The following MTIF2 variants were observed in gnomAD, a reference collection of about 807,000 sequenced individuals.
MTIF2 encodes the protein translation initiation factor IF-2, mitochondrial.
Under a neutral mutation model 83.5 loss-of-function variants are expected in MTIF2, and 71 were observed. The observed-to-expected ratio is 0.85, with a 90% CI of 0.70 to 1.04. The LOEUF (loss-of-function observed/expected upper bound fraction) is 1.04, where lower values mean the gene tolerates loss of function less well. Ranked by LOEUF, MTIF2 falls within the 50% of genes least tolerant of loss-of-function variation. The pLI, the probability that MTIF2 is intolerant of heterozygous loss-of-function variation, is 0.00. For missense variants in MTIF2, 957 were observed against 846.5 expected, an observed-to-expected ratio of 1.13 and a Z score of -1.62; for synonymous variants, 319 against 287.1, an observed-to-expected ratio of 1.11 and a Z score of -1.12.
intron 5 of MTIF2, among the ~76,000 whole-genome samples, chr2:55,261,976 T>C (rs1484296313): frequency 6.8e-6 from 1 of 146,272 alleles, no homozygotes; most frequent in Non-Finnish European, 1.5e-5. Flanking sequence ...AAGAAAATTA[T>C]AGAAAAACAA....
rs375792770 is a variant in MTIF2, at chr2:55,242,421, A to G, written c.1705+519T>C. On this transcript the variant is annotated intron_variant, in intron 13 of 15. Transcript: ENST00000263629. ...CAGTCATGAGTCCCCCTTTTTGTGT[A>G]TCATAAATTCAACTAATAAAGACAG... Among the ~76,000 whole-genome samples the G allele has an allele frequency of 6.6e-5, 10 of 152,244 alleles. No individual in the cohort carries two copies. In the East Asian group the frequency reaches 1.2e-3, roughly 18 times the overall value.
chr2:55,259,278 T>C (rs1573909096), intron 5 of MTIF2, among the ~76,000 whole-genome samples: 1 of 152,170 alleles, frequency 6.6e-6, no homozygotes, highest in African/African-American at 2.4e-5. Context: ...ATGTATATAG[T>C]AGTTAAAAAT....
At chr2:55,251,452 C>G (rs1677088055) in intron 8 of MTIF2, among the ~76,000 whole-genome samples, 1 of 152,168 alleles carries the variant, frequency 6.6e-6, no homozygotes, top group Non-Finnish European at 1.5e-5. Flanking sequence ...TGGCTGCTGT[C>G]TGAGTCTTAG....
In MTIF2 at chr2:55,262,369, A is replaced by T; in HGVS notation, c.278T>A (p.Val93Glu). Residue 93 changes from valine to glutamate, a missense_variant, in exon 5 of 16, where the codon GTA becomes GAA. This residue lies in a region of MTIF2 where 733 missense variants were observed against 648.7 expected (regional missense o/e 1.13). Coordinates refer to ENST00000263629, the MANE Select transcript of MTIF2 (RefSeq NM_002453.3). ...SSTKSKKVVE[V>E]WIGMTIEELA... ...TTCCTCAATAGTCATTCCAATCCAT[A>T]CTTCTACCACCTTTTTAGATTTTGT... 5 of 1,613,530 alleles carry T rather than the reference A, an allele frequency of 3.1e-6. No individual in the cohort carries two copies. Among genetic ancestry groups the T allele is most frequent in the Non-Finnish European group, 4.2e-6 (5 of 1,179,830 alleles).
At chr2:55,252,755 A>T (rs1031508096) in intron 7 of MTIF2, 102 bp from the exon 8 acceptor site, 1 of 784,686 alleles carries the variant, frequency 1.3e-6, no homozygotes, top group Non-Finnish European at 2.0e-6. Flanking sequence ...TAATTCTTTA[A>T]AATAATTTTA....
At chr2:55,258,434 C>T (rs1265106602) in intron 5 of MTIF2, among the ~76,000 whole-genome samples, 5 of 152,064 alleles carry the variant, frequency 3.3e-5, no homozygotes, top group African/African-American at 9.7e-5. Flanking sequence ...TTTGGGAAGC[C>T]GAGGTGGGTG....
At chr2:55,260,426 CA>C (rs1677880109) in intron 5 of MTIF2, among the ~76,000 whole-genome samples, 2 of 142,876 alleles carry the variant, frequency 1.4e-5, no homozygotes, top group African/African-American at 5.1e-5. Context: ...AAAAGCCAAA[CA>C]GTGTGCTAAC....
At chr2:55,252,763 T>G (rs954684299) in intron 7 of MTIF2, 110 bp from the exon 8 acceptor site, 8 of 737,492 alleles carry the variant, frequency 1.1e-5, no homozygotes, top group Non-Finnish European at 1.7e-5. Flanking sequence ...TAAAATAATT[T>G]TATTCCTTCC....
chr2:55,246,257 CA>C (rs1676691154), intron 10 of MTIF2, 79 bp downstream of exon 10: 1 of 1,419,538 alleles, frequency 7.0e-7, no homozygotes, highest in African/African-American at 1.4e-5. Flanking sequence ...TAACATGTAA[CA>C]AAAATAATAC....
intron 5 of MTIF2, among the ~76,000 whole-genome samples, chr2:55,256,876 T>G (rs1039948309): frequency 6.6e-6 from 1 of 151,858 alleles, no homozygotes; most frequent in Non-Finnish European, 1.5e-5. Flanking sequence ...CCTACTAATT[T>G]TTTGTAGAGA....
intron 13 of MTIF2, among the ~76,000 whole-genome samples, chr2:55,240,691 T>C (rs1329119639): frequency 1.3e-5 from 2 of 152,198 alleles, no homozygotes; most frequent in African/African-American, 4.8e-5. Flanking sequence ...TGTGGCTTGT[T>C]TAACAAAGAA....
intron 9 of MTIF2, among the ~76,000 whole-genome samples, chr2:55,247,296 C>T (rs904747848): frequency 2.6e-5 from 4 of 152,210 alleles, no homozygotes; most frequent in Non-Finnish European, 5.9e-5. Flanking sequence ...GTGGCTCATG[C>T]CTGTAATCCC....
rs770848031 is a variant in MTIF2, at chr2:55,243,561, T to C, written c.1419A>G (p.Ala473=). Residue 473 remains alanine (A), a synonymous_variant, in exon 12 of 16, where the codon GCA becomes GCG. Transcript: ENST00000263629. ...IEEKRKEHKE[A]HQKAREKYGH... is the part of the protein sequence containing the mutation. ...CATACTTCTCACGGGCTTTCTGATGTGCTTCTTTGTGTTCCTTTCGCTTTT... is the reference window on the plus strand; with the variant it reads ...CATACTTCTCACGGGCTTTCTGATGCGCTTCTTTGTGTTCCTTTCGCTTTT... 1 of 1,614,154 alleles carries C rather than the reference T, an allele frequency of 6.2e-7. No individual in the cohort carries two copies. The highest frequency in any genetic ancestry group is 8.5e-7 in the Non-Finnish European group (1 of 1,180,014).
intron 8 of MTIF2, among the ~76,000 whole-genome samples, chr2:55,250,801 T>A (rs1038645906): frequency 2.6e-5 from 4 of 152,076 alleles, no homozygotes; most frequent in Admixed American, 2.0e-4. Context: ...AGTTTTGCAA[T>A]CCACAACGTA....
intron 8 of MTIF2, among the ~76,000 whole-genome samples, chr2:55,249,911 G>C (rs1676974456): frequency 6.6e-6 from 1 of 152,116 alleles, no homozygotes; most frequent in African/African-American, 2.4e-5. Context: ...GGCCAACATG[G>C]AGAAATCCCG....
At chr2:55,263,303 C>T (rs1408820657) in intron 4 of MTIF2, among the ~76,000 whole-genome samples, 1 of 152,204 alleles carries the variant, frequency 6.6e-6, no homozygotes, top group Non-Finnish European at 1.5e-5. Flanking sequence ...ACCGGAACTT[C>T]CCTTTCTCAC....
rs752063887 is a variant in MTIF2, at chr2:55,243,531, A to G, written c.1449T>C (p.His483=). Residue 483 remains histidine (H), a synonymous_variant, in exon 12 of 16, where the codon CAT becomes CAC. Transcript: ENST00000263629. ...AHQKAREKYG[H]LLWKKRSILR... is the part of the protein sequence containing the mutation. ...GAATTGATCTCTTCTTCCACAGTAG[A>G]TGGCCATACTTCTCACGGGCTTTCT... The G allele has an allele frequency of 1.4e-5, 22 of 1,613,906 alleles. No individual in the cohort carries two copies. In the South Asian group the frequency reaches 2.4e-4, roughly 18 times the overall value.
At position 55,243,652 on chromosome 2, in the gene MTIF2, A is replaced by T. The variant is rs1676485771; in HGVS notation, c.1328T>A (p.Val443Asp). Residue 443 changes from valine (V) to aspartate (D), a missense_variant, in exon 12 of 16, where the codon GTT becomes GAT. By Grantham distance (152) the Val-to-Asp change is radical. Transcript: ENST00000263629. Reference protein sequence around the residue: ...EVESEPRAREVVDWRKYEQEQ... With the variant: ...EVESEPRAREDVDWRKYEQEQ... ...TTGTTCATATTTCCTCCAGTCAACA[A>T]CTTCACGTGCCCTTGGCTTTATAGG... is the stretch of plus-strand genomic sequence containing the variant. 6.2e-7 allele frequency: 1 copy of T among 1,613,360 alleles called. No individual in the cohort carries two copies. The highest frequency in any genetic ancestry group is 1.3e-5 in the African/African-American group (1 of 74,842).
chr2:55,268,412 A>C (rs1678594252), intron 2 of MTIF2, among the ~76,000 whole-genome samples, 166 bp downstream of exon 2: 1 of 152,144 alleles, frequency 6.6e-6, no homozygotes, highest in Non-Finnish European at 1.5e-5. Flanking sequence ...ATAATTTTTA[A>C]ATCAGTATGA....
Sources: gnomAD v4.1 joint callset for allele counts (sites outside exome capture counted in the v4.1 genomes callset) on GRCh38, gnomAD v4.1.1 for gene constraint, gnomAD v4.1.1 regional missense constraint, MANE v1.5 for transcripts, NCBI Gene and HGNC (gene_info 2026-07-23, HGNC 2026-07-21) for gene names.